ARHGAP15: variants seen among roughly 807,000 people sequenced by gnomAD.
ARHGAP15 encodes the protein Rho GTPase activating protein 15, also known as rho GTPase-activating protein 15.
Under a neutral mutation model 63.7 loss-of-function variants are expected in ARHGAP15, and 51 were observed. The ratio of observed to expected loss-of-function variants is 0.80; its 90% confidence interval spans 0.64 to 1.01. The LOEUF is 1.01. ARHGAP15 is among the 50% of genes least tolerant of loss of function. The pLI is 0.00. For synonymous variants in ARHGAP15, 191 were observed against 193.8 expected, an observed-to-expected ratio of 0.99 and a Z score of 0.12; for missense variants, 560 against 564.6, an observed-to-expected ratio of 0.99 and a Z score of 0.08.
At chr2:143,350,022 A>G (rs1349935215) in intron 6 of ARHGAP15, among the ~76,000 whole-genome samples, 1 of 152,200 alleles carries the variant, frequency 6.6e-6, no homozygotes, top group Non-Finnish European at 1.5e-5. Context: ...AGCACTTATT[A>G]TAAAATATCT....
chr2:143,383,839 T>C (rs534340510), intron 6 of ARHGAP15, among the ~76,000 whole-genome samples: 32 of 152,232 alleles, frequency 2.1e-4, no homozygotes, highest in African/African-American at 7.0e-4. Context: ...ACTAAACAAG[T>C]CACATTGGAC....
At chr2:143,455,117 TAGCTACTCCATAGAGCCGTTCTG>T (rs1335653961) in intron 8 of ARHGAP15, among the ~76,000 whole-genome samples, 1 of 152,044 alleles carries the variant, frequency 6.6e-6, no homozygotes, top group Non-Finnish European at 1.5e-5. Context: ...AATAAAAGAA[TAGCTACTCCATAGAGCCGTTCTG>T]AGGGCTGCTG....
intron 11 of ARHGAP15, among the ~76,000 whole-genome samples, chr2:143,616,790 A>G (rs1399618876): frequency 6.6e-6 from 1 of 152,224 alleles, no homozygotes; most frequent in African/African-American, 2.4e-5. Context: ...GATAAATCAT[A>G]TGAAACAGAT....
chr2:143,458,366 C>T lies in ARHGAP15; in HGVS notation c.703+21324C>T, dbSNP rs991490400. ...CTATAGTGAACGGCATCAGGATGGTCTGAAGGCACTTGAAATCTAAGTAGG... is the reference window on the plus strand; with the variant it reads ...CTATAGTGAACGGCATCAGGATGGTTTGAAGGCACTTGAAATCTAAGTAGG... On this transcript the variant is annotated intron_variant, in intron 8 of 13. Coordinates refer to ENST00000295095, the MANE Select transcript of ARHGAP15 (RefSeq NM_018460.4). Among the ~76,000 whole-genome samples the T allele has an allele frequency of 1.1e-4, 17 of 152,134 alleles. 1 individual carries two copies. Among genetic ancestry groups the T allele is most frequent in the Admixed American group, 9.2e-4 (14 of 15,252 alleles).
intron 6 of ARHGAP15, among the ~76,000 whole-genome samples, chr2:143,359,670 A>G (rs191544952): frequency 2.6e-5 from 4 of 152,354 alleles, no homozygotes; most frequent in Admixed American, 2.6e-4. Flanking sequence ...GTCAGTATTT[A>G]TAAAAGGAGA....
intron 1 of ARHGAP15, among the ~76,000 whole-genome samples, chr2:143,147,846 T>G (rs1244692490): frequency 3.3e-5 from 5 of 152,050 alleles, no homozygotes; most frequent in Non-Finnish European, 5.9e-5. Context: ...AAATAGATAC[T>G]GTAATATTTA....
intron 6 of ARHGAP15, among the ~76,000 whole-genome samples, chr2:143,262,582 G>C (rs968284591): frequency 1.6e-5 from 2 of 122,912 alleles, no homozygotes; most frequent in Admixed American, 1.0e-4. Context: ...CCTGTTCACT[G>C]TAGTTGACAG....
At chr2:143,654,383 T>A (rs989894804) in intron 12 of ARHGAP15, among the ~76,000 whole-genome samples, 5 of 152,018 alleles carry the variant, frequency 3.3e-5, no homozygotes, top group Non-Finnish European at 5.9e-5. Context: ...CAAAAAGGAG[T>A]TGAGAAAAGC....
At chr2:143,321,805 C>G (rs990626172) in intron 6 of ARHGAP15, among the ~76,000 whole-genome samples, 2 of 152,190 alleles carry the variant, frequency 1.3e-5, no homozygotes, top group Admixed American at 6.5e-5. Flanking sequence ...CAAGCCACCT[C>G]CCACCTCAGC....
intron 4 of ARHGAP15, among the ~76,000 whole-genome samples, chr2:143,220,831 T>G (rs997096463): frequency 1.3e-5 from 2 of 151,904 alleles, no homozygotes; most frequent in Non-Finnish European, 2.9e-5. Context: ...TAAGCAATAT[T>G]AATAGATGCT....
intron 12 of ARHGAP15, among the ~76,000 whole-genome samples, chr2:143,630,224 G>A (rs1230796882): frequency 6.6e-6 from 1 of 152,068 alleles, no homozygotes; most frequent in East Asian, 1.9e-4. Context: ...AAGCATTCAT[G>A]CCTTAAATGT....
chr2:143,456,892 T>C (rs1690683795), intron 8 of ARHGAP15, among the ~76,000 whole-genome samples: 1 of 151,850 alleles, frequency 6.6e-6, no homozygotes, highest in Non-Finnish European at 1.5e-5. Context: ...AAAAATAAAT[T>C]TTAAGGGGCA....
intron 5 of ARHGAP15, among the ~76,000 whole-genome samples, chr2:143,243,147 G>A (rs1281312345): frequency 6.6e-6 from 1 of 152,078 alleles, no homozygotes; most frequent in East Asian, 1.9e-4. Context: ...AGAGCATCTG[G>A]CCTTTGATAT....
At chr2:143,459,354 C>A (rs950386596) in intron 8 of ARHGAP15, among the ~76,000 whole-genome samples, 1 of 152,000 alleles carries the variant, frequency 6.6e-6, no homozygotes, top group Non-Finnish European at 1.5e-5. Context: ...GGGAAGGATG[C>A]TTTATTTGCC....
intron 11 of ARHGAP15, among the ~76,000 whole-genome samples, chr2:143,582,552 C>G (rs886957736): frequency 2.0e-5 from 3 of 152,146 alleles, no homozygotes; most frequent in Non-Finnish European, 4.4e-5. Flanking sequence ...AACTCCATCA[C>G]TTTTTAACAA....
chr2:143,260,943 T>C (rs1480486884), intron 6 of ARHGAP15, among the ~76,000 whole-genome samples: 1 of 152,170 alleles, frequency 6.6e-6, no homozygotes, highest in East Asian at 1.9e-4. Flanking sequence ...ATAATGATTA[T>C]ATCCCTGTCT....
chr2:143,472,846 C>T (rs1314300942), intron 8 of ARHGAP15, among the ~76,000 whole-genome samples: 3 of 152,320 alleles, frequency 2.0e-5, no homozygotes, highest in Non-Finnish European at 4.4e-5. Context: ...GATGAGGAGA[C>T]TGGGCTCCAG....
intron 12 of ARHGAP15, among the ~76,000 whole-genome samples, chr2:143,680,590 T>C (rs1281037902): frequency 1.3e-5 from 2 of 152,242 alleles, no homozygotes; most frequent in African/African-American, 2.4e-5. Flanking sequence ...GGTTCTTCTC[T>C]TGGGCCTCCA....
intron 10 of ARHGAP15, among the ~76,000 whole-genome samples, chr2:143,543,173 G>T (rs1458237183): frequency 6.6e-6 from 1 of 151,604 alleles, no homozygotes; most frequent in East Asian, 1.9e-4. Context: ...AATATAAAAG[G>T]GTTTCCTTTT....
Sources: gnomAD v4.1 joint callset for allele counts (sites outside exome capture counted in the v4.1 genomes callset) on GRCh38, gnomAD v4.1.1 for gene constraint, MANE v1.5 for transcripts, NCBI Gene and HGNC (gene_info 2026-07-23, HGNC 2026-07-21) for gene names.